ATP2B2: variants seen among roughly 807,000 people sequenced by gnomAD.
The protein encoded by ATP2B2 is plasma membrane calcium-transporting ATPase 2.
A neutral mutation model predicts 120.0 loss-of-function variants in ATP2B2; 15 were observed. That is an observed-to-expected ratio of 0.12 (90% CI 0.08 to 0.19). The LOEUF is 0.19. ATP2B2 is among the 10% of genes least tolerant of loss of function. ATP2B2 has a pLI of 1.00. For missense variants in ATP2B2, 1,045 were observed against 1,719.8 expected, an observed-to-expected ratio of 0.61 and a Z score of 6.94; for synonymous variants, 694 against 700.3, an observed-to-expected ratio of 0.99 and a Z score of 0.14.
chr3:10,352,868 C>T (rs1185562423), intron 14 of ATP2B2, among the ~76,000 whole-genome samples: 1 of 152,232 alleles, frequency 6.6e-6, no homozygotes, highest in Non-Finnish European at 1.5e-5. Context: ...TGGCTCCTGC[C>T]TCCAAAAGGA....
At chr3:10,656,879 A>C (rs1294534248) in intron 1 of ATP2B2, among the ~76,000 whole-genome samples, 4 of 152,250 alleles carry the variant, frequency 2.6e-5, no homozygotes, top group African/African-American at 4.8e-5. Flanking sequence ...AAGAGGGCAC[A>C]GCAAATGCTA....
chr3:10,642,797 C>A (rs1217115144), intron 1 of ATP2B2, among the ~76,000 whole-genome samples: 1 of 152,062 alleles, frequency 6.6e-6, no homozygotes, highest in Admixed American at 6.6e-5. Flanking sequence ...GATTCCTAAG[C>A]CCCACAATAG....
chr3:10,634,901 G>A (rs1319813742), intron 1 of ATP2B2, among the ~76,000 whole-genome samples: 4 of 152,202 alleles, frequency 2.6e-5, no homozygotes, highest in Non-Finnish European at 4.4e-5. Flanking sequence ...ACTTTCTTGA[G>A]GGGCAGGTTT....
chr3:10,359,758 C>T (rs1318227395), intron 13 of ATP2B2, 124 bp downstream of exon 13: 7 of 1,424,446 alleles, frequency 4.9e-6, no homozygotes, highest in Non-Finnish European at 6.8e-6. Flanking sequence ...TGCTAGACGG[C>T]CACTCCAGCC....
intron 2 of ATP2B2, among the ~76,000 whole-genome samples, chr3:10,606,317 G>A (rs1453900742): frequency 6.6e-6 from 1 of 152,096 alleles, no homozygotes; most frequent in African/African-American, 2.4e-5. Context: ...CGGCCAGAGT[G>A]TATGTGAGAG....
At chr3:10,663,529 C>T (rs928825283) in intron 1 of ATP2B2, among the ~76,000 whole-genome samples, 15 of 152,140 alleles carry the variant, frequency 9.9e-5, no homozygotes, top group Admixed American at 8.5e-4. Flanking sequence ...GGGACCCATA[C>T]CCACCAGTCA....
At chr3:10,390,676 G>C (rs1415271059) in intron 5 of ATP2B2, among the ~76,000 whole-genome samples, 1 of 152,202 alleles carries the variant, frequency 6.6e-6, no homozygotes, top group Non-Finnish European at 1.5e-5. Flanking sequence ...AAGGCTCACA[G>C]AGGGGGTGTG....
At chr3:10,348,753 T>G (rs1220215198) in intron 16 of ATP2B2, among the ~76,000 whole-genome samples, 1 of 152,218 alleles carries the variant, frequency 6.6e-6, no homozygotes, top group Admixed American at 6.5e-5. Flanking sequence ...GTGCAGCCTT[T>G]TGCTCTATGC....
chr3:10,621,783 A>G (rs2069557285), intron 1 of ATP2B2, among the ~76,000 whole-genome samples: 1 of 152,222 alleles, frequency 6.6e-6, no homozygotes, highest in Non-Finnish European at 1.5e-5. Flanking sequence ...TTACTCCCAC[A>G]TTACAGATGA....
At chr3:10,349,195 G>C (rs897412533) in intron 16 of ATP2B2, among the ~76,000 whole-genome samples, 28 of 152,356 alleles carry the variant, frequency 1.8e-4, no homozygotes, top group African/African-American at 6.3e-4. Flanking sequence ...GCTCCTACCT[G>C]TAATCCCAGC....
chr3:10,459,510 C>T (rs2064397185), intron 1 of ATP2B2, among the ~76,000 whole-genome samples: 1 of 151,936 alleles, frequency 6.6e-6, no homozygotes, highest in Non-Finnish European at 1.5e-5. Flanking sequence ...CTTGCACTGC[C>T]CAACTCTTTC....
At chr3:10,663,335 T>C (rs946152026) in intron 1 of ATP2B2, among the ~76,000 whole-genome samples, 2 of 151,866 alleles carry the variant, frequency 1.3e-5, no homozygotes, top group East Asian at 1.9e-4. Context: ...GACCCTAAGA[T>C]GGGGGAATTT....
intron 2 of ATP2B2, among the ~76,000 whole-genome samples, chr3:10,582,791 G>C (rs1180600268): frequency 1.3e-5 from 2 of 152,214 alleles, no homozygotes; most frequent in Admixed American, 6.5e-5. Context: ...GACTGTCTGG[G>C]AGTCAGAGGG....
At chr3:10,373,325 C>A (rs1267128224) in intron 11 of ATP2B2, among the ~76,000 whole-genome samples, 1 of 152,214 alleles carries the variant, frequency 6.6e-6, no homozygotes, top group Non-Finnish European at 1.5e-5. Flanking sequence ...TTGAACCTAC[C>A]TCCGTTTAAC....
chr3:10,623,885 C>G (rs2069618453), intron 1 of ATP2B2, among the ~76,000 whole-genome samples: 1 of 152,206 alleles, frequency 6.6e-6, no homozygotes, highest in African/African-American at 2.4e-5. Flanking sequence ...AAGGGAGAAG[C>G]CTTGGGTTCT....
At position 10,664,222 on chromosome 3, in the gene ATP2B2, AC is replaced by A. The variant is rs1228246041; in HGVS notation, c.-460+43692del. On this transcript the variant is annotated intron_variant, in intron 1 of 21. Transcript: ENST00000646379. ...TTTCCTTTTATCACCTGCAGCTGTC[AC>A]CCCCGCAGCATGTTTCTAATGAGAA... Among the ~76,000 whole-genome samples, 4 of 151,726 alleles carry A rather than the reference AC, an allele frequency of 2.6e-5. No homozygotes were observed. In the East Asian group the frequency reaches 7.8e-4, roughly 29 times the overall value.
intron 2 of ATP2B2, among the ~76,000 whole-genome samples, chr3:10,577,112 T>C (rs1452241057): frequency 6.6e-6 from 1 of 151,062 alleles, no homozygotes; most frequent in Non-Finnish European, 1.5e-5. Flanking sequence ...AGCAGCCTCA[T>C]TGTCACCTAG....
At chr3:10,634,566 AG>A (rs1469608938) in intron 1 of ATP2B2, among the ~76,000 whole-genome samples, 1 of 152,240 alleles carries the variant, frequency 6.6e-6, no homozygotes, top group Non-Finnish European at 1.5e-5. Flanking sequence ...TGTGGCCTTG[AG>A]AAAACACAAT....
At chr3:10,697,264 C>T (rs1055903892) in intron 1 of ATP2B2, among the ~76,000 whole-genome samples, 1 of 152,086 alleles carries the variant, frequency 6.6e-6, no homozygotes, top group Non-Finnish European at 1.5e-5. Flanking sequence ...TCATGTGGGC[C>T]CTGAATAGTC....
Sources: allele counts gnomAD v4.1 joint callset (sites outside exome capture counted in the v4.1 genomes callset), GRCh38; gene constraint gnomAD v4.1.1; transcripts MANE v1.5; gene names NCBI Gene and HGNC (gene_info 2026-07-23, HGNC 2026-07-21).